The following NRXN1 variants were observed in gnomAD, a reference collection of about 807,000 sequenced individuals.
NRXN1 encodes the protein neurexin-1.
A neutral mutation model predicts 150.9 loss-of-function variants in NRXN1; 39 were observed. That is an observed-to-expected ratio of 0.26 (90% CI 0.20 to 0.34). NRXN1 has a LOEUF of 0.34. Among genes scored for constraint, NRXN1 ranks in the 10% least tolerant of loss-of-function variants. The pLI is 1.00. For missense variants in NRXN1, 1,815 were observed against 1,949.9 expected (o/e 0.93, Z 1.30); for synonymous variants, 924 against 757.0 (o/e 1.22, Z -3.62).
chr2:50,543,957 C>A (rs1019084836), intron 9 of NRXN1, among the ~76,000 whole-genome samples: 1 of 152,076 alleles, frequency 6.6e-6, no homozygotes, highest in African/African-American at 2.4e-5. Context: ...AACTAGCTAG[C>A]AAGTTTAGCC....
At chr2:50,929,961 G>A (rs1687497419) in intron 2 of NRXN1, among the ~76,000 whole-genome samples, 1 of 152,086 alleles carries the variant, frequency 6.6e-6, no homozygotes, top group African/African-American at 2.4e-5. Context: ...TAGAAATGCG[G>A]CCCAGAACCA....
At chr2:50,556,846 T>C (rs1668333182) in intron 8 of NRXN1, among the ~76,000 whole-genome samples, 1 of 152,174 alleles carries the variant, frequency 6.6e-6, no homozygotes, top group South Asian at 2.1e-4. Flanking sequence ...CCTCTCTCTG[T>C]CTCAGTTTCT....
chr2:50,043,666 A>T (rs1224978734), intron 21 of NRXN1, among the ~76,000 whole-genome samples: 1 of 152,188 alleles, frequency 6.6e-6, no homozygotes, highest in Non-Finnish European at 1.5e-5. Context: ...GGAGGTGTAG[A>T]AAATATAAAA....
At chr2:50,868,134 C>G in intron 5 of NRXN1, among the ~76,000 whole-genome samples, 1 of 73,790 alleles carries the variant, frequency 1.4e-5, no homozygotes, top group South Asian at 4.8e-4. Context: ...AATGGATAAA[C>G]AAAATATTAT....
At chr2:50,827,063 T>C (rs1428606883) in intron 5 of NRXN1, among the ~76,000 whole-genome samples, 1 of 152,144 alleles carries the variant, frequency 6.6e-6, no homozygotes, top group African/African-American at 2.4e-5. Flanking sequence ...AAAAGAACTG[T>C]CAACTTTGTG....
At chr2:49,943,027 T>A (rs977270432) in intron 22 of NRXN1, among the ~76,000 whole-genome samples, 1 of 151,688 alleles carries the variant, frequency 6.6e-6, no homozygotes, top group Non-Finnish European at 1.5e-5. Context: ...ATCTAGGCTA[T>A]GAATTCATTC....
At chr2:50,426,599 A>G (rs577997126) in intron 17 of NRXN1, among the ~76,000 whole-genome samples, 1 of 152,214 alleles carries the variant, frequency 6.6e-6, no homozygotes, top group Non-Finnish European at 1.5e-5. Flanking sequence ...CTTCCAGGAC[A>G]ATTTCCACAT....
chr2:50,634,013 T>A (rs1457510335), intron 5 of NRXN1, among the ~76,000 whole-genome samples: 2 of 152,162 alleles, frequency 1.3e-5, no homozygotes, highest in South Asian at 4.2e-4. Context: ...ATAGAAAGAA[T>A]AGGAAAAAAT....
chr2:50,633,449 T>C (rs1368103788), intron 5 of NRXN1, among the ~76,000 whole-genome samples: 3 of 152,096 alleles, frequency 2.0e-5, no homozygotes, highest in Non-Finnish European at 4.4e-5. Context: ...GGAAGAAATG[T>C]ACTTTTGTAA....
chr2:50,603,304 A>T (rs1209691584), intron 8 of NRXN1, among the ~76,000 whole-genome samples: 2 of 152,142 alleles, frequency 1.3e-5, no homozygotes, highest in Admixed American at 1.3e-4. Context: ...TGTAAAACTT[A>T]ATGAGAATGC....
intron 16 of NRXN1, among the ~76,000 whole-genome samples, chr2:50,468,653 T>C (rs370201486): frequency 8.6e-5 from 13 of 151,484 alleles, no homozygotes; most frequent in African/African-American, 2.7e-4. Context: ...AAAGAAATGA[T>C]ACACAAAAGA....
In NRXN1 at chr2:50,172,880, T is replaced by C. The variant is rs569070540; in HGVS notation, c.3546+63909A>G. 2.4e-4 allele frequency among the ~76,000 whole-genome samples: 36 copies of C among 152,200 alleles called. 1 individual carries two copies. The highest frequency in any genetic ancestry group is 6.8e-3 in the Middle Eastern group (2 of 294). ...CACTTGGGAGGCTGAGACAGGAGAA[T>C]TGCTTGAACTTGGGAGGTGGAGGTT... On this transcript the variant is annotated intron_variant, in intron 18 of 22. Transcript: ENST00000401669.
At chr2:50,031,087 T>C (rs971301030) in intron 21 of NRXN1, among the ~76,000 whole-genome samples, 1 of 152,094 alleles carries the variant, frequency 6.6e-6, no homozygotes, top group African/African-American at 2.4e-5. Context: ...GCAGCATATA[T>C]ACTAACATGT....
intron 17 of NRXN1, among the ~76,000 whole-genome samples, chr2:50,300,130 A>G (rs1342141234): frequency 6.6e-6 from 1 of 152,226 alleles, no homozygotes; most frequent in Non-Finnish European, 1.5e-5. Context: ...ATTTTTCTTT[A>G]ATGGACATTT....
intron 18 of NRXN1, among the ~76,000 whole-genome samples, chr2:50,202,414 G>C (rs1282986079): frequency 6.6e-6 from 1 of 152,122 alleles, no homozygotes; most frequent in African/African-American, 2.4e-5. Flanking sequence ...ACTAAGGCAG[G>C]AGAATTGCTT....
chr2:50,673,762 T>G (rs1328124178), intron 5 of NRXN1, among the ~76,000 whole-genome samples: 6 of 152,266 alleles, frequency 3.9e-5, no homozygotes, highest in African/African-American at 1.4e-4. Context: ...ACTTTTTATT[T>G]ATCAGGGTCT....
intron 5 of NRXN1, among the ~76,000 whole-genome samples, chr2:50,780,632 T>C (rs1306350135): frequency 6.6e-6 from 1 of 152,208 alleles, no homozygotes; most frequent in Non-Finnish European, 1.5e-5. Context: ...ACTAATGGGT[T>C]AGCCTTGGTC....
At chr2:50,985,709 T>C (rs560757278) in intron 2 of NRXN1, among the ~76,000 whole-genome samples, 1 of 151,510 alleles carries the variant, frequency 6.6e-6, no homozygotes, top group South Asian at 2.1e-4. Context: ...TACAGGAGAA[T>C]TGAGATATGG....
Position 50,691,089 on chromosome 2 carries a change from C to T in NRXN1, c.833-67474G>A, listed in dbSNP as rs139728136. On this transcript the variant is annotated intron_variant, in intron 5 of 22. Coordinates refer to ENST00000401669, the MANE Select transcript of NRXN1 (RefSeq NM_001330078.2). ...GACTGAATTTTAGATGGAGGCATGACGTGAATCTCAAATGACCATAATTTC... is the reference window on the plus strand; with the variant it reads ...GACTGAATTTTAGATGGAGGCATGATGTGAATCTCAAATGACCATAATTTC... Among the ~76,000 whole-genome samples the T allele has an allele frequency of 1.7e-3, 257 of 152,230 alleles. 3 individuals are homozygous for T. The highest frequency in any genetic ancestry group is 5.5e-3 in the African/African-American group (228 of 41,548).
Sources: gnomAD v4.1 joint callset for allele counts (sites outside exome capture counted in the v4.1 genomes callset) on GRCh38, gnomAD v4.1.1 for gene constraint, MANE v1.5 for transcripts, NCBI Gene and HGNC (gene_info 2026-07-23, HGNC 2026-07-21) for gene names.